The following SMC1B variants were observed in gnomAD, a reference collection of about 807,000 sequenced individuals.
SMC1B encodes structural maintenance of chromosomes protein 1B.
In SMC1B, 60 loss-of-function variants were observed where a neutral mutation model predicts 157.9. The observed-to-expected ratio is 0.38, with a 90% CI of 0.31 to 0.47. The LOEUF is 0.47. Among genes scored for constraint, SMC1B ranks in the 20% least tolerant of loss-of-function variants. The pLI is 0.99. For synonymous variants in SMC1B, 445 were observed against 483.0 expected, an observed-to-expected ratio of 0.92 and a Z score of 1.03; for missense variants, 1,165 against 1,426.2, an observed-to-expected ratio of 0.82 and a Z score of 2.95.
intron 12 of SMC1B, among the ~76,000 whole-genome samples, 189 bp downstream of exon 12, chr22:45,383,278 G>A (rs1462176513): frequency 6.6e-6 from 1 of 152,130 alleles, no homozygotes; most frequent in East Asian, 1.9e-4. Flanking sequence ...ATCAAACTGT[G>A]TTTAGTAAAT....
chr22:45,382,397 T>A (rs1053970109), intron 12 of SMC1B, among the ~76,000 whole-genome samples: 2 of 152,200 alleles, frequency 1.3e-5, no homozygotes, highest in Non-Finnish European at 2.9e-5. Flanking sequence ...TCCATTTATA[T>A]GAAAGTCTAG....
At chr22:45,372,067 A>T in intron 13 of SMC1B, 88 bp downstream of exon 13, 1 of 1,188,868 alleles carries the variant, frequency 8.4e-7, no homozygotes. Context: ...AAAGTATCTG[A>T]AAATTACATG....
intron 9 of SMC1B, among the ~76,000 whole-genome samples, chr22:45,391,148 G>A (rs996833123): frequency 3.3e-5 from 5 of 151,188 alleles, no homozygotes; most frequent in Admixed American, 1.3e-4. Flanking sequence ...CTCAGCCTCC[G>A]AGTAGCTGAA....
chr22:45,348,218 C>T (rs1210218256), intron 23 of SMC1B, among the ~76,000 whole-genome samples: 1 of 152,192 alleles, frequency 6.6e-6, no homozygotes, highest in Admixed American at 6.6e-5. Flanking sequence ...AAAACAGGAT[C>T]ATGCTCAAGT....
intron 10 of SMC1B, among the ~76,000 whole-genome samples, chr22:45,388,743 G>T (rs933517659): frequency 3.3e-5 from 5 of 152,014 alleles, no homozygotes. Context: ...TTGGGAGACC[G>T]AGGCAGGCGG....
At chr22:45,388,094 CCTTCAGAG>C (rs2087010425) in intron 10 of SMC1B, among the ~76,000 whole-genome samples, 1 of 150,632 alleles carries the variant, frequency 6.6e-6, no homozygotes, top group South Asian at 2.1e-4. Flanking sequence ...ATCAGGAAAG[CCTTCAGAG>C]CTTCTTAGTC....
chr22:45,351,042 T>C (rs1346083787), intron 22 of SMC1B, among the ~76,000 whole-genome samples: 2 of 152,192 alleles, frequency 1.3e-5, no homozygotes, highest in Non-Finnish European at 2.9e-5. Context: ...ATTTATTCCT[T>C]CAAATCTTTG....
At chr22:45,380,202 C>G (rs1027782181) in intron 12 of SMC1B, among the ~76,000 whole-genome samples, 1 of 152,076 alleles carries the variant, frequency 6.6e-6, no homozygotes, top group African/African-American at 2.4e-5. Flanking sequence ...CTGATACGAG[C>G]CTTTTTTTTG....
At chr22:45,395,223 TA>T (rs2087109481) in intron 7 of SMC1B, among the ~76,000 whole-genome samples, 1 of 152,064 alleles carries the variant, frequency 6.6e-6, no homozygotes, top group African/African-American at 2.4e-5. Context: ...AATAAGTAAT[TA>T]TAGTAGAGTG....
intron 19 of SMC1B, among the ~76,000 whole-genome samples, chr22:45,356,678 A>G (rs533631045): frequency 6.6e-6 from 1 of 151,684 alleles, no homozygotes; most frequent in East Asian, 1.9e-4. Flanking sequence ...GAAACCATAA[A>G]TATCTCCCCA....
At chr22:45,411,724 C>T (rs1040599292) in intron 1 of SMC1B, among the ~76,000 whole-genome samples, 2 of 150,056 alleles carry the variant, frequency 1.3e-5, no homozygotes, top group Non-Finnish European at 3.0e-5. Flanking sequence ...GTAGCTGGGA[C>T]TACAGGCGTG....
At chr22:45,360,313 C>G (rs1278004952) in intron 17 of SMC1B, among the ~76,000 whole-genome samples, 2 of 152,174 alleles carry the variant, frequency 1.3e-5, no homozygotes, top group Admixed American at 6.5e-5. Context: ...AAGTCACATA[C>G]ACTTAATAAT....
chr22:45,392,421 T>A (rs1038654766), intron 9 of SMC1B, among the ~76,000 whole-genome samples: 3 of 152,012 alleles, frequency 2.0e-5, no homozygotes, highest in African/African-American at 4.8e-5. Context: ...TTTTTTTAAA[T>A]CCTAGATTAT....
At chr22:45,358,605 AC>A (rs1444888087) in intron 19 of SMC1B, 91 bp downstream of exon 19, 3 of 796,144 alleles carry the variant, frequency 3.8e-6, no homozygotes, top group Non-Finnish European at 5.9e-6. Flanking sequence ...TTAAAAAAAA[AC>A]AAACTTAATT....
intron 19 of SMC1B, among the ~76,000 whole-genome samples, chr22:45,355,727 A>G (rs1476567618): frequency 5.4e-3 from 1 of 184 alleles, no homozygotes; most frequent in Non-Finnish European, 0.012. Flanking sequence ...TAGAAGAGAA[A>G]AAGTGCCACG....
chr22:45,357,992 G>T (rs915909721), intron 19 of SMC1B, among the ~76,000 whole-genome samples: 3 of 152,198 alleles, frequency 2.0e-5, no homozygotes, highest in African/African-American at 7.2e-5. Context: ...AAAGGCTGAA[G>T]ATTGAGGCTG....
rs913881202 is a variant in SMC1B at position 45,376,424 on chromosome 22, C to G, written c.2059-4132G>C. 9.9e-5 allele frequency among the ~76,000 whole-genome samples: 15 copies of G among 152,278 alleles called. No homozygotes were observed. In the Middle Eastern group the frequency reaches 0.017, roughly 173 times the overall value. ...TATGTATATACCACATTCTGTTTAT[C>G]CATTCATCTGTTGATTGACACCTGG... is the stretch of plus-strand genomic sequence containing the variant. On this transcript the variant is annotated intron_variant, in intron 12 of 24. Transcript: ENST00000357450.
intron 22 of SMC1B, 82 bp from the exon 23 acceptor site, chr22:45,349,879 A>G: frequency 9.2e-7 from 1 of 1,087,118 alleles, no homozygotes; most frequent in Non-Finnish European, 1.3e-6. Flanking sequence ...AACAGTATTC[A>G]GAATAAATAA....
intron 1 of SMC1B, among the ~76,000 whole-genome samples, chr22:45,411,152 G>A (rs1401991732): frequency 6.6e-6 from 1 of 152,144 alleles, no homozygotes; most frequent in Admixed American, 6.5e-5. Flanking sequence ...TCTGTCAAGA[G>A]AGTCAAGGCA....
Sources: allele counts gnomAD v4.1 joint callset (sites outside exome capture counted in the v4.1 genomes callset), GRCh38; gene constraint gnomAD v4.1.1; transcripts MANE v1.5; gene names NCBI Gene and HGNC (gene_info 2026-07-23, HGNC 2026-07-21).